The following KCNH8 variants were observed in gnomAD, a reference collection of about 807,000 sequenced individuals.
The protein encoded by KCNH8 is potassium voltage-gated channel subfamily H member 8.
KCNH8 carries 70 observed loss-of-function variants against 103.6 expected under a neutral mutation model. That is an observed-to-expected ratio of 0.68 (90% CI 0.56 to 0.82). The LOEUF (loss-of-function observed/expected upper bound fraction) is 0.82. KCNH8 is among the 40% of genes least tolerant of loss of function. KCNH8 has a pLI of 0.00. For synonymous variants in KCNH8, 498 were observed against 489.4 expected, an observed-to-expected ratio of 1.02 and a Z score of -0.23; for missense variants, 1,217 against 1,329.9, an observed-to-expected ratio of 0.92 and a Z score of 1.32.
At chr3:19,474,610 T>C (rs2067932123) in intron 11 of KCNH8, among the ~76,000 whole-genome samples, 1 of 152,172 alleles carries the variant, frequency 6.6e-6, no homozygotes, top group African/African-American at 2.4e-5. Flanking sequence ...TCAAATGAAT[T>C]GGGATTCAAA....
intron 12 of KCNH8, among the ~76,000 whole-genome samples, chr3:19,511,929 G>A (rs148821915): frequency 5.9e-4 from 90 of 151,952 alleles, no homozygotes; most frequent in Admixed American, 9.8e-4. Context: ...CAAAAAATCC[G>A]TATACACCAA....
chr3:19,373,376 T>A (rs966715430), intron 5 of KCNH8, among the ~76,000 whole-genome samples: 1 of 152,210 alleles, frequency 6.6e-6, no homozygotes, highest in African/African-American at 2.4e-5. Context: ...CCATTTCTTC[T>A]AGATTTTCTA....
intron 3 of KCNH8, among the ~76,000 whole-genome samples, chr3:19,292,982 T>G (rs561770651): frequency 1.3e-5 from 2 of 152,344 alleles, no homozygotes; most frequent in South Asian, 4.1e-4. Flanking sequence ...GGTTTGGGTT[T>G]TTTCCCTAAG....
chr3:19,328,297 A>T (rs928235911), intron 3 of KCNH8, among the ~76,000 whole-genome samples: 6 of 151,888 alleles, frequency 4.0e-5, no homozygotes, highest in African/African-American at 1.5e-4. Flanking sequence ...TCCATATGAA[A>T]TTTTTTCTTT....
intron 2 of KCNH8, among the ~76,000 whole-genome samples, chr3:19,273,183 C>G (rs978317107): frequency 6.6e-6 from 1 of 152,208 alleles, no homozygotes; most frequent in Non-Finnish European, 1.5e-5. Context: ...ATAGATTCCT[C>G]CAACTAAAGC....
At chr3:19,177,162 C>A (rs2063408805) in intron 1 of KCNH8, among the ~76,000 whole-genome samples, 1 of 151,992 alleles carries the variant, frequency 6.6e-6, no homozygotes, top group Non-Finnish European at 1.5e-5. Flanking sequence ...AAAAACACGG[C>A]ACTAAATAGA....
intron 5 of KCNH8, among the ~76,000 whole-genome samples, chr3:19,371,412 T>G (rs1574978739): frequency 2.0e-5 from 3 of 151,500 alleles, no homozygotes. Context: ...TGTCTTCTTT[T>G]GAGAAGTGTC....
At chr3:19,429,160 CTCTTTTT>C (rs1329552436) in intron 7 of KCNH8, among the ~76,000 whole-genome samples, 1 of 126,268 alleles carries the variant, frequency 7.9e-6, no homozygotes, top group Admixed American at 8.9e-5. Flanking sequence ...TCAGAATCCA[CTCTTTTT>C]TTTTTTTTTT....
chr3:19,275,051 C>T (rs148877583), intron 2 of KCNH8, among the ~76,000 whole-genome samples: 1 of 151,114 alleles, frequency 6.6e-6, no homozygotes, highest in African/African-American at 2.4e-5. Flanking sequence ...TCTTATTGCT[C>T]CAGTCTTGAA....
At chr3:19,214,465 A>G (rs1467500750) in intron 1 of KCNH8, among the ~76,000 whole-genome samples, 1 of 152,100 alleles carries the variant, frequency 6.6e-6, no homozygotes, top group Non-Finnish European at 1.5e-5. Flanking sequence ...TCTCCCACCT[A>G]TGGGCTAGAT....
intron 11 of KCNH8, among the ~76,000 whole-genome samples, chr3:19,465,118 A>G (rs2067709337): frequency 6.6e-6 from 1 of 152,198 alleles, no homozygotes; most frequent in Non-Finnish European, 1.5e-5. Flanking sequence ...TTTACTTGTC[A>G]ACTTAAGGAA....
chr3:19,264,634 T>C (rs1000164352), intron 2 of KCNH8, among the ~76,000 whole-genome samples: 3 of 152,088 alleles, frequency 2.0e-5, no homozygotes, highest in Admixed American at 2.0e-4. Flanking sequence ...CCTAACTAGA[T>C]TCCTCCATAC....
chr3:19,172,475 G>T (rs2063357716), intron 1 of KCNH8, among the ~76,000 whole-genome samples: 1 of 152,030 alleles, frequency 6.6e-6, no homozygotes, highest in Non-Finnish European at 1.5e-5. Context: ...TAACTACCTA[G>T]ACTTTATAAA....
intron 11 of KCNH8, among the ~76,000 whole-genome samples, chr3:19,474,971 G>C (rs985963793): frequency 1.3e-5 from 2 of 152,124 alleles, no homozygotes; most frequent in African/African-American, 2.4e-5. Flanking sequence ...CAATGAAGAG[G>C]ATCCAGAAAT....
intron 1 of KCNH8, among the ~76,000 whole-genome samples, chr3:19,214,289 A>C (rs1006121610): frequency 6.6e-6 from 1 of 152,118 alleles, no homozygotes; most frequent in African/African-American, 2.4e-5. Context: ...TGTCTGTTTA[A>C]TTTACCATGT....
intron 5 of KCNH8, among the ~76,000 whole-genome samples, chr3:19,360,968 AC>A (rs1341167568): frequency 6.6e-6 from 1 of 152,098 alleles, no homozygotes; most frequent in Non-Finnish European, 1.5e-5. Flanking sequence ...TTAATATATG[AC>A]AACAGAAATT....
At chr3:19,160,733 G>A (rs935582471) in intron 1 of KCNH8, among the ~76,000 whole-genome samples, 3 of 151,966 alleles carry the variant, frequency 2.0e-5, no homozygotes, top group South Asian at 2.1e-4. Context: ...GATATCTCAC[G>A]CTATCCCACT....
chr3:19,165,980 T>C (rs1241594408), intron 1 of KCNH8, among the ~76,000 whole-genome samples: 2 of 152,232 alleles, frequency 1.3e-5, no homozygotes, highest in African/African-American at 4.8e-5. Flanking sequence ...TTTTCAAGAC[T>C]TTGCTTGTGT....
At chr3:19,279,586 A>T (rs1048322308) in intron 2 of KCNH8, among the ~76,000 whole-genome samples, 1 of 145,018 alleles carries the variant, frequency 6.9e-6, no homozygotes, top group Admixed American at 6.9e-5. Flanking sequence ...AAAAAAAAAT[A>T]AGGAGGAAAT....
Sources: allele counts gnomAD v4.1 joint callset (sites outside exome capture counted in the v4.1 genomes callset), GRCh38; gene constraint gnomAD v4.1.1; transcripts MANE v1.5; gene names NCBI Gene and HGNC (gene_info 2026-07-23, HGNC 2026-07-21).